KIAA0825: variants seen among roughly 807,000 people sequenced by gnomAD.
KIAA0825 encodes uncharacterized protein KIAA0825.
KIAA0825 carries 119 observed loss-of-function variants against 147.6 expected under a neutral mutation model. The ratio of observed to expected loss-of-function variants is 0.81; its 90% confidence interval spans 0.69 to 0.94. The LOEUF is 0.94. KIAA0825 is among the 40% of genes least tolerant of loss of function. KIAA0825 has a pLI of 0.00. For missense variants in KIAA0825, 1,381 were observed against 1,472.7 expected, an observed-to-expected ratio of 0.94 and a Z score of 1.02; for synonymous variants, 470 against 518.1, an observed-to-expected ratio of 0.91 and a Z score of 1.26.
intron 1 of KIAA0825, among the ~76,000 whole-genome samples, chr5:94,597,387 T>C (rs1461429918): frequency 6.6e-6 from 1 of 152,106 alleles, no homozygotes; most frequent in Non-Finnish European, 1.5e-5. Context: ...ACCCTCAATA[T>C]TTGGAAGTTA....
intron 20 of KIAA0825, among the ~76,000 whole-genome samples, chr5:94,163,670 T>A (rs1202924115): frequency 6.6e-6 from 1 of 152,208 alleles, no homozygotes; most frequent in East Asian, 1.9e-4. Flanking sequence ...GTTTCCATTC[T>A]GGTTAATGTA....
intron 20 of KIAA0825, among the ~76,000 whole-genome samples, chr5:94,298,529 C>T (rs895432184): frequency 5.9e-5 from 9 of 152,104 alleles, no homozygotes; most frequent in African/African-American, 1.4e-4. Flanking sequence ...CTCTTCATTT[C>T]GGGATGGAAA....
intron 20 of KIAA0825, among the ~76,000 whole-genome samples, chr5:94,346,153 A>T (rs748210832): frequency 2.0e-5 from 3 of 152,174 alleles, no homozygotes; most frequent in Non-Finnish European, 4.4e-5. Context: ...GGGATAAGAC[A>T]ATATGAGGGG....
At chr5:94,233,110 C>T (rs1330396830) in intron 20 of KIAA0825, among the ~76,000 whole-genome samples, 3 of 151,958 alleles carry the variant, frequency 2.0e-5, no homozygotes, top group Admixed American at 1.3e-4. Flanking sequence ...AGAATTCTGC[C>T]GAAGGCCAGA....
At chr5:94,283,514 A>G (rs1269134217) in intron 20 of KIAA0825, among the ~76,000 whole-genome samples, 1 of 152,114 alleles carries the variant, frequency 6.6e-6, no homozygotes, top group Non-Finnish European at 1.5e-5. Context: ...TAAATCACTA[A>G]TAAAGTCACT....
intron 20 of KIAA0825, among the ~76,000 whole-genome samples, chr5:94,253,588 A>T (rs1295788582): frequency 3.3e-5 from 5 of 152,124 alleles, no homozygotes; most frequent in Non-Finnish European, 7.4e-5. Flanking sequence ...ATTCTACTTG[A>T]AATCTCAAGT....
In KIAA0825 at chr5:94,344,918, G is replaced by GAATGGGAGTTATTGAT. The variant is rs1782822237; in HGVS notation, c.3710+39434_3710+39449dup. On this transcript the variant is annotated intron_variant, in intron 20 of 20. Coordinates refer to ENST00000682413, the MANE Select transcript of KIAA0825 (RefSeq NM_001145678.3). ...GTTGCTAGGGGCTGGGAGAAGAGAG[G>GAATGGGAGTTATTGAT]AATGGGAGTTATTGATAATGGGTAC... 2.0e-5 allele frequency among the ~76,000 whole-genome samples: 3 copies of GAATGGGAGTTATTGAT among 152,166 alleles called. No individual in the cohort carries two copies. In the South Asian group the frequency reaches 6.2e-4, roughly 32 times the overall value.
chr5:94,494,302 C>G (rs1764088366), intron 5 of KIAA0825, among the ~76,000 whole-genome samples: 1 of 149,098 alleles, frequency 6.7e-6, no homozygotes, highest in Non-Finnish European at 1.5e-5. Context: ...TGTCCCTCTC[C>G]TATATTCAAT....
At chr5:94,190,470 C>T (rs190851650) in intron 20 of KIAA0825, among the ~76,000 whole-genome samples, 252 of 150,814 alleles carry the variant, frequency 1.7e-3, no homozygotes, top group African/African-American at 5.8e-3. Flanking sequence ...GGACTACAGG[C>T]GCCCGCCACC....
At chr5:94,577,507 G>A (rs1377726135) in intron 2 of KIAA0825, among the ~76,000 whole-genome samples, 1 of 152,164 alleles carries the variant, frequency 6.6e-6, no homozygotes, top group Non-Finnish European at 1.5e-5. Flanking sequence ...TCAGATACCT[G>A]GGCCCCATCC....
intron 20 of KIAA0825, among the ~76,000 whole-genome samples, chr5:94,213,435 C>T (rs1306332315): frequency 6.6e-6 from 1 of 152,164 alleles, no homozygotes; most frequent in African/African-American, 2.4e-5. Context: ...CCACCTAATA[C>T]TACCTCTTTT....
chr5:94,331,110 G>A (rs1030086257), intron 20 of KIAA0825, among the ~76,000 whole-genome samples: 3 of 150,904 alleles, frequency 2.0e-5, no homozygotes, highest in Admixed American at 6.6e-5. Context: ...ATTCCAGTCT[G>A]GGCAAAAGAG....
At chr5:94,502,471 T>C (rs1294401001) in intron 5 of KIAA0825, among the ~76,000 whole-genome samples, 1 of 152,158 alleles carries the variant, frequency 6.6e-6, no homozygotes, top group Non-Finnish European at 1.5e-5. Context: ...ATATGTCTAG[T>C]TTGATCTCAT....
intron 20 of KIAA0825, among the ~76,000 whole-genome samples, chr5:94,185,025 A>G (rs1048227769): frequency 6.6e-6 from 1 of 152,132 alleles, no homozygotes; most frequent in Non-Finnish European, 1.5e-5. Flanking sequence ...TACCAATCTG[A>G]TAGCTCATCT....
intron 14 of KIAA0825, among the ~76,000 whole-genome samples, chr5:94,430,336 C>T (rs775836217): frequency 7.2e-5 from 11 of 152,102 alleles, no homozygotes; most frequent in African/African-American, 1.7e-4. Context: ...AGAATTTACT[C>T]ATAAAATCAA....
chr5:94,443,336 T>TTA (rs5869629), intron 13 of KIAA0825, among the ~76,000 whole-genome samples: 16,645 of 145,368 alleles, frequency 0.11, 1,061 homozygotes, highest in East Asian at 0.23. Context: ...AAGGGAAATT[T>TTA]TATATATATA....
intron 15 of KIAA0825, among the ~76,000 whole-genome samples, chr5:94,412,086 G>A (rs1395314564): frequency 1.3e-5 from 2 of 152,132 alleles, no homozygotes; most frequent in African/African-American, 4.8e-5. Flanking sequence ...AAGAATTTAT[G>A]TGCAATATAT....
At chr5:94,375,860 G>C (rs1485863353) in intron 20 of KIAA0825, among the ~76,000 whole-genome samples, 1 of 152,152 alleles carries the variant, frequency 6.6e-6, no homozygotes, top group African/African-American at 2.4e-5. Flanking sequence ...CCTAGGATAA[G>C]GGATATCCCT....
chr5:94,536,288 T>C (rs1439609594), intron 3 of KIAA0825, among the ~76,000 whole-genome samples: 2 of 152,246 alleles, frequency 1.3e-5, no homozygotes, highest in African/African-American at 4.8e-5. Context: ...TAACTATATC[T>C]TAAATTTTAA....
Sources: allele counts gnomAD v4.1 joint callset (sites outside exome capture counted in the v4.1 genomes callset), GRCh38; gene constraint gnomAD v4.1.1; transcripts MANE v1.5; gene names NCBI Gene and HGNC (gene_info 2026-07-23, HGNC 2026-07-21).